PDE8B: variants seen among roughly 807,000 people sequenced by gnomAD.
PDE8B encodes the protein phosphodiesterase 8B.
In PDE8B, 26 loss-of-function variants were observed where a neutral mutation model predicts 101.3. The ratio of observed to expected loss-of-function variants is 0.26; its 90% confidence interval spans 0.19 to 0.36. The LOEUF is 0.36. PDE8B is among the 10% of genes least tolerant of loss of function. The pLI is 1.00. For synonymous variants in PDE8B, 424 were observed against 429.3 expected (o/e 0.99, Z 0.15); for missense variants, 810 against 1,163.1 (o/e 0.70, Z 4.42).
chr5:77,253,285 T>G (rs1371529188), intron 1 of PDE8B, among the ~76,000 whole-genome samples: 3 of 152,194 alleles, frequency 2.0e-5, no homozygotes, highest in Non-Finnish European at 4.4e-5. Flanking sequence ...CAAGTCACAC[T>G]TGAAAATTCT....
intron 7 of PDE8B, among the ~76,000 whole-genome samples, chr5:77,348,996 C>T (rs1780622465): frequency 6.6e-6 from 1 of 152,114 alleles, no homozygotes; most frequent in Non-Finnish European, 1.5e-5. Flanking sequence ...CTGAAACTTT[C>T]TTTTTTTAAC....
intron 17 of PDE8B, among the ~76,000 whole-genome samples, chr5:77,413,601 G>T (rs2279095): frequency 0.14 from 21,760 of 151,996 alleles, 1,973 homozygotes; most frequent in East Asian, 0.39. Context: ...GCTGTGTTAC[G>T]GGGTTGCAGG....
In PDE8B at chr5:77,353,393, A is replaced by T; in HGVS notation, c.1154A>T (p.Asp385Val). 6.3e-7 allele frequency: 1 copy of T among 1,599,904 alleles called. No homozygotes were observed. Among genetic ancestry groups the T allele is most frequent in the Non-Finnish European group, 8.6e-7 (1 of 1,167,068 alleles). ...CTCAAGAAACTGTGTTGTACCACTG[A>T]CAATAATAAGCAGGTATGGTATTAG... is the stretch of plus-strand genomic sequence containing the variant. ...VSLKKLCCTTDNNKQIHKIHR... is the reference protein window; with the variant it reads ...VSLKKLCCTTVNNKQIHKIHR... Residue 385 changes from aspartate to valine, a missense_variant, in exon 10 of 22, where the codon GAC becomes GTC. By Grantham distance (152) the Asp-to-Val change is radical. This residue lies in a region of PDE8B where 75 missense variants were observed against 76.9 expected (regional missense o/e 0.98). Transcript: ENST00000264917.
intron 1 of PDE8B, among the ~76,000 whole-genome samples, chr5:77,297,714 C>A (rs1211280780): frequency 6.6e-6 from 1 of 152,176 alleles, no homozygotes; most frequent in Non-Finnish European, 1.5e-5. Flanking sequence ...GACCTGGCTC[C>A]TTCCTCCCTC....
intron 1 of PDE8B, among the ~76,000 whole-genome samples, chr5:77,280,930 A>T (rs746075903): frequency 4.6e-5 from 7 of 152,174 alleles, no homozygotes; most frequent in Admixed American, 6.5e-5. Flanking sequence ...AACAAAAAAC[A>T]GTTCACAGAC....
chr5:77,328,529 T>C (rs1378304630), intron 3 of PDE8B, among the ~76,000 whole-genome samples: 1 of 151,312 alleles, frequency 6.6e-6, no homozygotes, highest in Non-Finnish European at 1.5e-5. Context: ...TTAACTGGCA[T>C]TTGTACATCC....
At chr5:77,291,090 A>G (rs1241249741) in intron 1 of PDE8B, 4 of 1,610,826 alleles carry the variant, frequency 2.5e-6, no homozygotes, top group Admixed American at 3.3e-5. Flanking sequence ...AAACAGTACC[A>G]TTATTGCCTT....
intron 10 of PDE8B, among the ~76,000 whole-genome samples, chr5:77,357,956 A>G (rs564996092): frequency 2.6e-5 from 4 of 152,054 alleles, no homozygotes; most frequent in Non-Finnish European, 5.9e-5. Flanking sequence ...TCTGGTTCCC[A>G]CCGCCAGGCC....
chr5:77,242,098 A>T lies in PDE8B; in HGVS notation c.339+30834A>T, dbSNP rs1755881842. 1.3e-5 allele frequency among the ~76,000 whole-genome samples: 2 copies of T among 152,246 alleles called. 1 individual carries two copies. Among genetic ancestry groups the T allele is most frequent in the Admixed American group, 1.3e-4 (2 of 15,288 alleles). The stretch of plus-strand genomic sequence containing the variant: ...TCTCTCTCCAACTTAATGCAATTAT[A>T]AAACCTGGCGAGAATGCATGGAGCA... On this transcript the variant is annotated intron_variant, in intron 1 of 21. Transcript: ENST00000264917.
chr5:77,260,582 A>ATTTTTTT (rs34008487), intron 1 of PDE8B, among the ~76,000 whole-genome samples: 15 of 114,928 alleles, frequency 1.3e-4, no homozygotes, highest in African/African-American at 2.4e-4. Context: ...ACTGTGGCTC[A>ATTTTTTT]TTTTTTTTTT....
chr5:77,181,366 G>C, the PDE8B span, among the ~76,000 whole-genome samples: 1 of 152,158 alleles, frequency 6.6e-6, no homozygotes, highest in Non-Finnish European at 1.5e-5. Context: ...CTCTGAACTT[G>C]GGGGCGTTCC....
intron 14 of PDE8B, chr5:77,410,328 T>G (rs771639951): frequency 6.6e-6 from 1 of 152,302 alleles, no homozygotes; most frequent in African/African-American, 2.4e-5. Context: ...GGGGCAGTTT[T>G]TGCAGATATT....
At chr5:77,316,364 C>T (rs901418456) in intron 2 of PDE8B, among the ~76,000 whole-genome samples, 2 of 151,966 alleles carry the variant, frequency 1.3e-5, no homozygotes, top group Admixed American at 6.6e-5. Context: ...CTCCCAAGTA[C>T]CTGGGACTAC....
the PDE8B span, among the ~76,000 whole-genome samples, chr5:77,185,873 A>G: frequency 2.0e-5 from 3 of 152,232 alleles, no homozygotes; most frequent in East Asian, 5.8e-4. Flanking sequence ...TGTGGGTTAG[A>G]GATGGGAAAC....
the PDE8B span, among the ~76,000 whole-genome samples, chr5:77,093,226 G>A: frequency 6.6e-6 from 1 of 152,142 alleles, no homozygotes; most frequent in Non-Finnish European, 1.5e-5. Flanking sequence ...TTTGATTTAT[G>A]CATAGGTGGT....
Position 77,257,451 on chromosome 5 carries a change from A to C in PDE8B, c.339+46187A>C, listed in dbSNP as rs142092842. On this transcript the variant is annotated intron_variant, in intron 1 of 21. Transcript: ENST00000264917. ...ATTAATATTAAACAAAATGAATTTT[A>C]GAACTAAGAATATTACCAGTGATAA... Among the ~76,000 whole-genome samples, 42 of 152,324 alleles carry C rather than the reference A, an allele frequency of 2.8e-4. 1 individual carries two copies. In the East Asian group the frequency reaches 8.1e-3, roughly 29 times the overall value.
chr5:77,335,820 A>G (rs894729048), intron 5 of PDE8B, among the ~76,000 whole-genome samples: 23 of 152,296 alleles, frequency 1.5e-4, no homozygotes, highest in Admixed American at 1.0e-3. Flanking sequence ...ATTAAAATGC[A>G]TAACATTTCC....
chr5:77,253,471 A>G (rs1177600921), intron 1 of PDE8B, among the ~76,000 whole-genome samples: 3 of 152,196 alleles, frequency 2.0e-5, no homozygotes, highest in Non-Finnish European at 4.4e-5. Context: ...ACCACTCAAA[A>G]TATTAACATT....
chr5:77,371,134 A>C (rs1785017916), intron 10 of PDE8B, among the ~76,000 whole-genome samples: 1 of 152,168 alleles, frequency 6.6e-6, no homozygotes, highest in South Asian at 2.1e-4. Context: ...TTAGTTTGAT[A>C]GTTTAATTTG....
Sources: gnomAD v4.1 joint callset for allele counts (sites outside exome capture counted in the v4.1 genomes callset) on GRCh38, gnomAD v4.1.1 for gene constraint, gnomAD v4.1.1 regional missense constraint, MANE v1.5 for transcripts, NCBI Gene and HGNC (gene_info 2026-07-23, HGNC 2026-07-21) for gene names.